SLC4A7: variants seen among roughly 807,000 people sequenced by gnomAD.
The protein encoded by SLC4A7 is sodium bicarbonate cotransporter 3.
In SLC4A7, 51 loss-of-function variants were observed where a neutral mutation model predicts 137.6. The ratio of observed to expected loss-of-function variants is 0.37; its 90% confidence interval spans 0.30 to 0.47. SLC4A7 has a LOEUF of 0.47. Among genes scored for constraint, SLC4A7 ranks in the 20% least tolerant of loss-of-function variants. The pLI is 1.00. For missense variants in SLC4A7, 1,247 were observed against 1,525.4 expected (o/e 0.82, Z 3.04); for synonymous variants, 542 against 518.6 (o/e 1.05, Z -0.61).
In SLC4A7 at chr3:27,424,144, C is replaced by G. The variant is rs753449326; in HGVS notation, c.1159G>C (p.Ala387Pro). ...TTTCCAGGAGCAGACTGGGGAGAGG[C>G]CAAAATACCTATGTTTAAAGACAAA... Reference protein sequence around the residue: ...ENVDLTPGILASPQSAPGNLD... With the variant: ...ENVDLTPGILPSPQSAPGNLD... Residue 387 changes from alanine (A) to proline (P), a missense_variant, in exon 8 of 26, where the codon GCC becomes CCC. This residue lies in a region of SLC4A7 where 499 missense variants were observed against 664.2 expected (regional missense o/e 0.75). Transcript: ENST00000454389. 3 of 1,556,838 alleles carry G rather than the reference C, an allele frequency of 1.9e-6. No individual in the cohort carries two copies. The highest frequency in any genetic ancestry group is 2.6e-6 in the Non-Finnish European group (3 of 1,137,680).
chr3:27,479,735 A>G (rs2059632094), intron 1 of SLC4A7, among the ~76,000 whole-genome samples: 1 of 152,224 alleles, frequency 6.6e-6, no homozygotes, highest in Non-Finnish European at 1.5e-5. Context: ...GCTTATTCTA[A>G]AACTAAAAAT....
chr3:27,426,455 G>C (rs1414717245), intron 7 of SLC4A7, among the ~76,000 whole-genome samples: 1 of 152,106 alleles, frequency 6.6e-6, no homozygotes, highest in Non-Finnish European at 1.5e-5. Flanking sequence ...TTTGGCCCTG[G>C]TGGCAAACGC....
intron 20 of SLC4A7, among the ~76,000 whole-genome samples, chr3:27,394,288 G>A (rs1021834061): frequency 2.6e-5 from 4 of 151,906 alleles, no homozygotes; most frequent in Non-Finnish European, 4.4e-5. Flanking sequence ...CAAATTGCTG[G>A]GATTACAGGC....
chr3:27,421,550 T>C, intron 9 of SLC4A7, 72 bp downstream of exon 9: 3 of 1,148,986 alleles, frequency 2.6e-6, no homozygotes, highest in South Asian at 1.7e-5. Flanking sequence ...AACATGCTTG[T>C]TCATTCGCTG....
chr3:27,482,643 G>C (rs2059763368), intron 1 of SLC4A7, among the ~76,000 whole-genome samples: 1 of 152,022 alleles, frequency 6.6e-6, no homozygotes, highest in South Asian at 2.1e-4. Context: ...ATAGTGGTGC[G>C]TGCCTGTAAT....
chr3:27,466,652 G>A (rs975163456), intron 1 of SLC4A7, among the ~76,000 whole-genome samples: 4 of 152,066 alleles, frequency 2.6e-5, no homozygotes, highest in Admixed American at 6.5e-5. Flanking sequence ...ATATGACGGA[G>A]CCCCGTCTCT....
intron 24 of SLC4A7, among the ~76,000 whole-genome samples, chr3:27,381,908 G>A (rs745800007): frequency 5.3e-5 from 8 of 152,050 alleles, no homozygotes; most frequent in Non-Finnish European, 1.2e-4. Flanking sequence ...GGCCAACATG[G>A]TGAAACCCCA....
At chr3:27,413,935 AT>A (rs2150237955) in intron 11 of SLC4A7, among the ~76,000 whole-genome samples, 1 of 152,338 alleles carries the variant, frequency 6.6e-6, no homozygotes, top group Admixed American at 6.5e-5. Flanking sequence ...CTTACAGATT[AT>A]TTGACTGAAA....
At chr3:27,475,273 T>C (rs1327106188) in intron 1 of SLC4A7, among the ~76,000 whole-genome samples, 1 of 151,522 alleles carries the variant, frequency 6.6e-6, no homozygotes, top group Non-Finnish European at 1.5e-5. Flanking sequence ...GGCTGATTAT[T>C]AATAGCAAGT....
intron 1 of SLC4A7, among the ~76,000 whole-genome samples, chr3:27,461,309 G>A (rs950851176): frequency 2.0e-5 from 3 of 151,874 alleles, no homozygotes; most frequent in African/African-American, 7.3e-5. Context: ...GTGGCAGGGA[G>A]AATTGCTTGA....
At chr3:27,466,178 G>A (rs1409971405) in intron 1 of SLC4A7, among the ~76,000 whole-genome samples, 4 of 150,940 alleles carry the variant, frequency 2.7e-5, no homozygotes, top group African/African-American at 2.4e-5. Context: ...TTGGCTGGGC[G>A]CGGTGGCTCA....
intron 11 of SLC4A7, among the ~76,000 whole-genome samples, chr3:27,416,866 T>C (rs926243490): frequency 3.3e-5 from 5 of 152,342 alleles, no homozygotes; most frequent in Admixed American, 3.3e-4. Flanking sequence ...CTCCATGTTT[T>C]TGAATAGAAA....
intron 12 of SLC4A7, among the ~76,000 whole-genome samples, chr3:27,410,818 T>C (rs1025155480): frequency 1.3e-5 from 2 of 152,206 alleles, no homozygotes; most frequent in African/African-American, 2.4e-5. Flanking sequence ...ACTTCATTAG[T>C]CAATGAATTA....
At chr3:27,480,090 CT>C (rs1409570750) in intron 1 of SLC4A7, among the ~76,000 whole-genome samples, 1 of 152,214 alleles carries the variant, frequency 6.6e-6, no homozygotes, top group African/African-American at 2.4e-5. Context: ...TACCAGGTTA[CT>C]TTGGCTCTGT....
chr3:27,419,806 T>C lies in SLC4A7; in HGVS notation c.1512+894A>G, dbSNP rs573614308. 2.6e-5 allele frequency among the ~76,000 whole-genome samples: 4 copies of C among 152,060 alleles called. No homozygotes were observed. In the South Asian group the frequency reaches 6.2e-4, roughly 24 times the overall value. Reference sequence around the variant, plus strand: ...CAAATAAAAGGCTAAGCCAGAGAAATGGCAGTAGAGATGGAAAGAATATGA... The same window carrying C: ...CAAATAAAAGGCTAAGCCAGAGAAACGGCAGTAGAGATGGAAAGAATATGA... On this transcript the variant is annotated intron_variant, in intron 10 of 25. Transcript: ENST00000454389.
At chr3:27,480,278 G>C (rs1469239699) in intron 1 of SLC4A7, among the ~76,000 whole-genome samples, 2 of 152,130 alleles carry the variant, frequency 1.3e-5, no homozygotes, top group Non-Finnish European at 2.9e-5. Context: ...CTGTCACCCA[G>C]GCTGCAGTGC....
At chr3:27,434,380 A>G (rs773019567) in intron 5 of SLC4A7, among the ~76,000 whole-genome samples, 18 of 152,202 alleles carry the variant, frequency 1.2e-4, no homozygotes, top group Admixed American at 2.6e-4. Flanking sequence ...CTGTATGAAT[A>G]CAATAAATTC....
chr3:27,412,620 A>T (rs116144078), intron 11 of SLC4A7, among the ~76,000 whole-genome samples: 130 of 152,330 alleles, frequency 8.5e-4, no homozygotes, highest in African/African-American at 2.6e-3. Context: ...TCAAACTTAC[A>T]TCTTAAAGAG....
At chr3:27,430,861 A>G (rs1255620236) in intron 7 of SLC4A7, among the ~76,000 whole-genome samples, 2 of 152,092 alleles carry the variant, frequency 1.3e-5, no homozygotes, top group African/African-American at 4.8e-5. Flanking sequence ...TAAATATAAA[A>G]TAAGTTCATG....
Sources: allele counts gnomAD v4.1 joint callset (sites outside exome capture counted in the v4.1 genomes callset), GRCh38; gene constraint gnomAD v4.1.1; regional missense constraint gnomAD v4.1.1; transcripts MANE v1.5; gene names NCBI Gene and HGNC (gene_info 2026-07-23, HGNC 2026-07-21).